Variants in CACNA2D4 observed in about 807,000 individuals in gnomAD.
CACNA2D4 encodes the protein voltage-dependent calcium channel subunit alpha-2/delta-4.
In CACNA2D4, 157 loss-of-function variants were observed where a neutral mutation model predicts 163.8. That is an observed-to-expected ratio of 0.96 (90% CI 0.84 to 1.09). CACNA2D4 has a LOEUF of 1.09. Among genes scored for constraint, CACNA2D4 ranks in the 50% least tolerant of loss-of-function variants. The probability of loss-of-function intolerance (pLI) is 0.00; values close to 1 mark genes in which losing one functional copy is unlikely to be tolerated. For missense variants in CACNA2D4, 1,410 were observed against 1,479.9 expected, an observed-to-expected ratio of 0.95 and a Z score of 0.78; for synonymous variants, 598 against 586.9, an observed-to-expected ratio of 1.02 and a Z score of -0.27.
At position 1,828,349 on chromosome 12, in the gene CACNA2D4, C is replaced by CGA; in HGVS notation, c.2551+12388_2551+12389dup. On this transcript the variant is annotated intron_variant, in intron 26 of 37. Coordinates refer to ENST00000382722, the MANE Select transcript of CACNA2D4 (RefSeq NM_172364.5). This position sits in a 1 kb window ranked among gnomAD's most constrained non-coding sequence, Gnocchi z 4.2. Reference sequence around the variant, plus strand: ...CTACGCCAGATCTTCCTGGGGTACCCGAGGCTATGTTCTGGGAAGCCAGGG... The same window carrying CGA: ...CTACGCCAGATCTTCCTGGGGTACCCGAGAGGCTATGTTCTGGGAAGCCAGGG... 1.4e-6 allele frequency: 1 copy of CGA among 728,764 alleles called. No individual in the cohort carries two copies. Among genetic ancestry groups the CGA allele is most frequent in the South Asian group, 2.3e-5 (1 of 44,094 alleles). 45.1% of individuals were successfully genotyped at this position (728,764 alleles called of 1,614,324 possible). A position where few individuals can be genotyped will look rare whatever the true frequency, so the allele number is the denominator to read the frequency against.
intron 26 of CACNA2D4, among the ~76,000 whole-genome samples, chr12:1,839,445 G>A (rs1376357867): frequency 6.6e-6 from 1 of 152,242 alleles, no homozygotes; most frequent in Non-Finnish European, 1.5e-5. Flanking sequence ...AGCTTGTGAG[G>A]GTCACAGTTG....
intron 16 of CACNA2D4, among the ~76,000 whole-genome samples, chr12:1,877,972 TTAGCTCCTTG>T: frequency 6.6e-6 from 1 of 152,342 alleles, no homozygotes; most frequent in South Asian, 2.1e-4. Flanking sequence ...ATTTCCATGC[TTAGCTCCTTG>T]TTCACCCAAC....
intron 23 of CACNA2D4, among the ~76,000 whole-genome samples, chr12:1,848,060 A>T (rs1865191781): frequency 6.6e-6 from 1 of 152,144 alleles, no homozygotes; most frequent in South Asian, 2.1e-4. Flanking sequence ...ATATCGTTCA[A>T]ATACCATCCA....
chr12:1,885,035 C>T lies in CACNA2D4; in HGVS notation c.1110G>A (p.Val370=), dbSNP rs368053737. The stretch of plus-strand genomic sequence containing the variant: ...CTCTCAGGGCTTGGTCCACGACCCC[C>T]ACACCTTTGACCATCAACTCCTCCA... ...LLVEELMVKG[V]GVVDQALREA... Residue 370 remains valine (V), a synonymous_variant, in exon 10 of 38, where the codon GTG becomes GTA. Coordinates refer to ENST00000382722, the MANE Select transcript of CACNA2D4 (RefSeq NM_172364.5). 8 of 1,614,010 alleles carry T rather than the reference C, an allele frequency of 5.0e-6. No homozygotes were observed. The South Asian group carries it at 8.8e-5, about 18-fold the overall frequency.
At position 1,874,552 on chromosome 12, in the gene CACNA2D4, A is replaced by G. The variant is rs1248355858; in HGVS notation, c.1878+52T>C. The G allele has an allele frequency of 3.1e-6, 4 of 1,297,068 alleles. No homozygotes were observed. The highest frequency in any genetic ancestry group is 2.3e-5 in the East Asian group (1 of 43,430). 80.3% of individuals were successfully genotyped at this position (1,297,068 alleles called of 1,614,324 possible). On this transcript the variant is annotated intron_variant, in intron 18 of 37. Coordinates refer to ENST00000382722, the MANE Select transcript of CACNA2D4 (RefSeq NM_172364.5). This position sits in a 1 kb window ranked among gnomAD's most constrained non-coding sequence, Gnocchi z 4.4. ...GTCCCTCGTCACTACTCCAAACCCA[A>G]TTAATGAAGATGCCTTCCTAGGCCA...
In CACNA2D4 at chr12:1,798,624, C is replaced by T. The variant is rs2154445169; in HGVS notation, c.2995+1051G>A. ...GTGGAAGGGGCTGCAGCACCTACGC[C>T]CCGGCCTGGGACTCCAAGTCCAGTG... On this transcript the variant is annotated intron_variant, in intron 34 of 37. Coordinates refer to ENST00000382722, the MANE Select transcript of CACNA2D4 (RefSeq NM_172364.5). The surrounding 1 kb of genome is among the most constrained non-coding windows in gnomAD (Gnocchi z 4.3). Among the ~76,000 whole-genome samples the T allele has an allele frequency of 6.6e-6, 1 of 152,282 alleles. No individual in the cohort carries two copies. The highest frequency in any genetic ancestry group is 1.9e-4 in the East Asian group (1 of 5,178).
chr12:1,909,649 C>G (rs1215866803), intron 4 of CACNA2D4, among the ~76,000 whole-genome samples: 1 of 152,218 alleles, frequency 6.6e-6, no homozygotes, highest in Non-Finnish European at 1.5e-5. Context: ...CCTGCATTCC[C>G]CGGAGGCTCC....
chr12:1,837,560 G>C (rs368218888), intron 26 of CACNA2D4, among the ~76,000 whole-genome samples: 28 of 152,244 alleles, frequency 1.8e-4, no homozygotes, highest in African/African-American at 6.3e-4. Flanking sequence ...TGGTTCATTA[G>C]TCTTCAGAGG....
intron 26 of CACNA2D4, among the ~76,000 whole-genome samples, chr12:1,821,087 C>A (rs1864081097): frequency 6.6e-6 from 1 of 152,198 alleles, no homozygotes; most frequent in African/African-American, 2.4e-5. Context: ...GCGCTGGCGC[C>A]AGATGACAGT....
Position 1,810,997 on chromosome 12 carries a change from A to G in CACNA2D4, c.2614-410T>C, listed in dbSNP as rs114945437. Among the ~76,000 whole-genome samples the G allele has an allele frequency of 7.7e-3, 1,175 of 151,672 alleles. 13 individuals are homozygous for G. Among genetic ancestry groups the G allele is most frequent in the African/African-American group, 0.027 (1,112 of 41,310 alleles). On this transcript the variant is annotated intron_variant, in intron 27 of 37. Transcript: ENST00000382722. ...GCCTCGTTGCTGGTGTGGGGAGGGG[A>G]CTTTGTGGGCTCTGTGGGGCTCCTG...
intron 29 of CACNA2D4, among the ~76,000 whole-genome samples, chr12:1,804,679 A>C (rs1863460875): frequency 6.6e-6 from 1 of 152,170 alleles, no homozygotes; most frequent in Non-Finnish European, 1.5e-5. Flanking sequence ...TGGCCAATGG[A>C]ATGTGAGCAG....
Position 1,878,177 on chromosome 12 carries a change from G to A in CACNA2D4, c.1719+138C>T, listed in dbSNP as rs1011810271. 1.9e-5 allele frequency: 18 copies of A among 959,750 alleles called. No homozygotes were observed. Among genetic ancestry groups the A allele is most frequent in the Non-Finnish European group, 2.7e-5 (17 of 618,924 alleles). The allele number at this position is 959,750 out of a possible 1,614,324, so 59.5% of individuals were successfully genotyped here. Reference sequence around the variant, plus strand: ...AACTTGAAAACAGGGACCATGACTCGAATACATTTTTTTTCTCATATTACC... The same window carrying A: ...AACTTGAAAACAGGGACCATGACTCAAATACATTTTTTTTCTCATATTACC... On this transcript the variant is annotated intron_variant, in intron 16 of 37. Coordinates refer to ENST00000382722, the MANE Select transcript of CACNA2D4 (RefSeq NM_172364.5). The surrounding 1 kb of genome is among the most constrained non-coding windows in gnomAD (Gnocchi z 4.6).
Position 1,834,980 on chromosome 12 carries a change from T to G in CACNA2D4, c.2551+5759A>C. On this transcript the variant is annotated intron_variant, in intron 26 of 37. Transcript: ENST00000382722. This position sits in a 1 kb window ranked among gnomAD's most constrained non-coding sequence, Gnocchi z 7.6. ...ACATGTGGGGGATCTCCCTAAGCTC[T>G]GGCCACAGCAAAGCAAGGAGGTGTG... The G allele has an allele frequency of 1.7e-6, 1 of 571,652 alleles. No individual in the cohort carries two copies. Among genetic ancestry groups the G allele is most frequent in the Non-Finnish European group, 2.9e-6 (1 of 347,398 alleles). 35.4% of individuals were successfully genotyped at this position (571,652 alleles called of 1,614,324 possible).
chr12:1,796,031 G>A (rs1863113619), intron 35 of CACNA2D4: 1 of 542,922 alleles, frequency 1.8e-6, no homozygotes, highest in Admixed American at 3.1e-5. Flanking sequence ...GTCCAAACTG[G>A]GCCGCTTTGG....
At chr12:1,907,757 T>TGGGC in intron 5 of CACNA2D4, 118 bp downstream of exon 5, 1 of 1,281,052 alleles carries the variant, frequency 7.8e-7, no homozygotes, top group Non-Finnish European at 1.1e-6. Context: ...GTCTGGTGGG[T>TGGGC]GTGTCTGGTG....
Position 1,800,005 on chromosome 12 carries a change from G to A in CACNA2D4, c.2969C>T (p.Ala990Val). ...SVWGSWYDRGAEAKSVFHHSH... is the reference protein window; with the variant it reads ...SVWGSWYDRGVEAKSVFHHSH... ...CTGCAGCTCCGTGCACTCACCCTCG[G>A]CCCCTCTGTCGTACCAGGAGCCCCA... is the stretch of plus-strand genomic sequence containing the variant. The change falls in exon 33 of 38, where the codon GCC becomes GTC. Residue 990 changes from alanine to valine, a missense_variant. Transcript: ENST00000382722. 2 of 1,604,076 alleles carry A rather than the reference G, an allele frequency of 1.2e-6. No individual in the cohort carries two copies. The highest frequency in any genetic ancestry group is 8.5e-7 in the Non-Finnish European group (1 of 1,175,562).
intron 29 of CACNA2D4, among the ~76,000 whole-genome samples, chr12:1,809,928 C>T (rs975627988): frequency 6.6e-6 from 1 of 152,308 alleles, no homozygotes; most frequent in African/African-American, 2.4e-5. Context: ...TGCTTGGATC[C>T]TTGTGGGGAG....
chr12:1,811,777 A>G (rs897308688), intron 26 of CACNA2D4, 54 bp from the exon 27 acceptor site: 8 of 1,519,206 alleles, frequency 5.3e-6, no homozygotes, highest in Non-Finnish European at 5.4e-6. Context: ...GGAGAGAAAA[A>G]AATAGAGTCA....
At chr12:1,891,219 C>T (rs2154450021) in intron 6 of CACNA2D4, among the ~76,000 whole-genome samples, 2 of 152,298 alleles carry the variant, frequency 1.3e-5, no homozygotes, top group Middle Eastern at 6.8e-3. Context: ...AACTGGGGCC[C>T]AAGGACAGGA....
Sources: gnomAD v4.1 joint callset for allele counts (sites outside exome capture counted in the v4.1 genomes callset) on GRCh38, gnomAD v4.1.1 for gene constraint, Gnocchi (gnomAD v3.1) non-coding constraint, MANE v1.5 for transcripts, NCBI Gene and HGNC (gene_info 2026-07-23, HGNC 2026-07-21) for gene names.